Variants in RBFOX1 observed in about 807,000 individuals in gnomAD.
RBFOX1 encodes RNA binding fox-1 homolog 1.
Under a neutral mutation model 57.7 loss-of-function variants are expected in RBFOX1, and 8 were observed. The observed-to-expected ratio is 0.14, with a 90% CI of 0.08 to 0.25. The LOEUF is 0.25. RBFOX1 is among the 10% of genes least tolerant of loss of function. The pLI is 1.00. For synonymous variants in RBFOX1, 326 were observed against 222.4 expected (o/e 1.47, Z -4.15); for missense variants, 611 against 548.5 (o/e 1.11, Z -1.14).
At chr16:6,567,788 C>T (rs1424196564) in intron 2 of RBFOX1, among the ~76,000 whole-genome samples, 1 of 152,080 alleles carries the variant, frequency 6.6e-6, no homozygotes, top group East Asian at 1.9e-4. Flanking sequence ...GCATTTAGGG[C>T]TTTATGGACA....
rs1405069157 is a variant in RBFOX1, at chr16:6,335,273, T to C, written c.-64+18216T>C. Among the ~76,000 whole-genome samples, 4 of 152,242 alleles carry C rather than the reference T, an allele frequency of 2.6e-5. No homozygotes were observed. In the South Asian group the frequency reaches 6.2e-4, roughly 24 times the overall value. On this transcript the variant is annotated intron_variant, in intron 2 of 15. Transcript: ENST00000550418. ...GTGAGTAGGATGGCTTTGAAGGTGG[T>C]GGTCTTATGTTTGAATGCGCGTCAG...
intron 4 of RBFOX1, among the ~76,000 whole-genome samples, chr16:7,110,744 T>A (rs750684409): frequency 6.6e-6 from 1 of 152,194 alleles, no homozygotes; most frequent in Non-Finnish European, 1.5e-5. Flanking sequence ...TTTGAGTTTT[T>A]CTTAAAATTG....
intron 4 of RBFOX1, among the ~76,000 whole-genome samples, chr16:7,128,364 C>G (rs984720323): frequency 7.1e-6 from 1 of 141,618 alleles, no homozygotes; most frequent in African/African-American, 2.6e-5. Context: ...TTAGCTATTG[C>G]TGTGTAATGA....
At chr16:6,113,703 T>C (rs1181042089) in intron 1 of RBFOX1, among the ~76,000 whole-genome samples, 3 of 152,236 alleles carry the variant, frequency 2.0e-5, no homozygotes, top group Non-Finnish European at 4.4e-5. Flanking sequence ...AACTGGACCT[T>C]GGGCTTCACC....
intron 2 of RBFOX1, among the ~76,000 whole-genome samples, chr16:6,419,866 G>A (rs899518829): frequency 1.3e-5 from 2 of 152,174 alleles, no homozygotes; most frequent in Non-Finnish European, 2.9e-5. Flanking sequence ...GAAGGTGGAG[G>A]TCAGTTCAGC....
intron 1 of RBFOX1, among the ~76,000 whole-genome samples, chr16:5,417,077 G>GTC (rs1234165446): frequency 6.6e-6 from 1 of 152,222 alleles, no homozygotes; most frequent in African/African-American, 2.4e-5. Flanking sequence ...TCCTACCGAA[G>GTC]TCTCACAGCC....
chr16:6,386,972 G>T (rs1255050182), intron 2 of RBFOX1, among the ~76,000 whole-genome samples: 2 of 152,170 alleles, frequency 1.3e-5, no homozygotes, highest in Non-Finnish European at 2.9e-5. Context: ...GGTAGTTATT[G>T]ATTCCGCAAA....
At chr16:5,286,225 C>T in intron 1 of RBFOX1, among the ~76,000 whole-genome samples, 1 of 152,180 alleles carries the variant, frequency 6.6e-6, no homozygotes, top group Non-Finnish European at 1.5e-5. Flanking sequence ...GATAGCCTGT[C>T]TGCGTGGGCC....
At chr16:6,874,304 G>T (rs906742575) in intron 3 of RBFOX1, among the ~76,000 whole-genome samples, 1 of 151,906 alleles carries the variant, frequency 6.6e-6, no homozygotes, top group Non-Finnish European at 1.5e-5. Flanking sequence ...GAGGTCAGGA[G>T]TTTTGAGACC....
chr16:6,945,575 G>A (rs1057129034), intron 3 of RBFOX1, among the ~76,000 whole-genome samples: 1 of 151,886 alleles, frequency 6.6e-6, no homozygotes, highest in Non-Finnish European at 1.5e-5. Context: ...TTGCATCTTT[G>A]ATGTTTATTT....
At chr16:7,499,906 A>T (rs1006652516) in intron 4 of RBFOX1, among the ~76,000 whole-genome samples, 3 of 152,150 alleles carry the variant, frequency 2.0e-5, no homozygotes, top group Admixed American at 1.3e-4. Flanking sequence ...AAAAAAAAAA[A>T]ACATTGTTCA....
intron 3 of RBFOX1, among the ~76,000 whole-genome samples, chr16:5,665,473 C>A (rs999674063): frequency 6.6e-6 from 1 of 152,008 alleles, no homozygotes; most frequent in Non-Finnish European, 1.5e-5. Context: ...TCCCCACATA[C>A]CACCTTGTTT....
chr16:6,761,212 A>G (rs1387173040), intron 3 of RBFOX1, among the ~76,000 whole-genome samples: 2 of 152,180 alleles, frequency 1.3e-5, no homozygotes, highest in African/African-American at 4.8e-5. Context: ...AATGAGCAAT[A>G]AATTTGAAGC....
chr16:6,101,690 G>A (rs1254331937), intron 1 of RBFOX1, among the ~76,000 whole-genome samples: 1 of 152,104 alleles, frequency 6.6e-6, no homozygotes, highest in Admixed American at 6.5e-5. Context: ...GGGAAGCTGA[G>A]GTGGGTGGAT....
chr16:6,236,439 A>ATTT (rs34039278), intron 1 of RBFOX1, among the ~76,000 whole-genome samples: 2 of 145,386 alleles, frequency 1.4e-5, no homozygotes, highest in South Asian at 2.2e-4. Context: ...TATGATGTTT[A>ATTT]TTTTTTTTTT....
intron 1 of RBFOX1, among the ~76,000 whole-genome samples, chr16:6,218,799 C>T (rs748945444): frequency 2.6e-5 from 4 of 151,020 alleles, no homozygotes; most frequent in African/African-American, 4.9e-5. Flanking sequence ...AATCCGAAGT[C>T]GGAATCTCAG....
chr16:6,413,258 G>A (rs1002719107), intron 2 of RBFOX1, among the ~76,000 whole-genome samples: 1 of 149,980 alleles, frequency 6.7e-6, no homozygotes, highest in Admixed American at 6.7e-5. Context: ...GGCAGAGGTT[G>A]TGGTGAGCTG....
chr16:6,579,362 C>T (rs1196106995), intron 2 of RBFOX1, among the ~76,000 whole-genome samples: 1 of 152,060 alleles, frequency 6.6e-6, no homozygotes, highest in Non-Finnish European at 1.5e-5. Context: ...CACCACCACA[C>T]CTGGTGATAT....
intron 3 of RBFOX1, among the ~76,000 whole-genome samples, chr16:5,863,272 GA>G (rs1292523305): frequency 6.6e-6 from 1 of 152,212 alleles, no homozygotes; most frequent in African/African-American, 2.4e-5. Flanking sequence ...GAAATAGCTG[GA>G]ACAAAGCTTT....
Sources: allele counts gnomAD v4.1 joint callset (sites outside exome capture counted in the v4.1 genomes callset), GRCh38; gene constraint gnomAD v4.1.1; transcripts MANE v1.5; gene names NCBI Gene and HGNC (gene_info 2026-07-23, HGNC 2026-07-21).